Variants in ERG observed in about 807,000 individuals in gnomAD.
The protein encoded by ERG is ETS transcription factor ERG.
Under a neutral mutation model 55.3 loss-of-function variants are expected in ERG, and 9 were observed. The observed-to-expected ratio is 0.16, with a 90% CI of 0.10 to 0.28. The LOEUF (loss-of-function observed/expected upper bound fraction) is 0.28. Among genes scored for constraint, ERG ranks in the 10% least tolerant of loss-of-function variants. ERG has a pLI of 1.00. For missense variants in ERG, 434 were observed against 631.6 expected (o/e 0.69, Z 3.35); for synonymous variants, 223 against 237.3 (o/e 0.94, Z 0.55).
At chr21:38,603,168 C>T (rs1002521874) in intron 1 of ERG, among the ~76,000 whole-genome samples, 1 of 151,920 alleles carries the variant, frequency 6.6e-6, no homozygotes, top group African/African-American at 2.4e-5. Flanking sequence ...GTCTTTAGAC[C>T]CCTAAAGACA....
In ERG at chr21:38,391,675, G is replaced by A. The variant is rs752843908; in HGVS notation, c.855C>T (p.Asp285=). Residue 285 remains aspartate, a synonymous_variant, in exon 8 of 10, where the codon GAC becomes GAT. Coordinates refer to ENST00000288319, the MANE Select transcript of ERG (RefSeq NM_182918.4). ...PSPSTVPKTE[D]QRPQLDPYQI... is the part of the protein sequence containing the mutation. ...GAAACATACCTAACTGAGGACGCTG[G>A]TCTTCAGTTTTGGGCACTGTGGAAG... 3.2e-5 allele frequency: 52 copies of A among 1,613,652 alleles called. No homozygotes were observed. The South Asian group carries it at 5.5e-4, about 17-fold the overall frequency.
intron 1 of ERG, among the ~76,000 whole-genome samples, chr21:38,458,456 TAGTGGCC>T (rs2059010949): frequency 6.7e-6 from 1 of 149,082 alleles, no homozygotes. Context: ...ATGCACCAAG[TAGTGGCC>T]AGTCAGGCTC....
At chr21:38,472,552 G>A (rs1281224148) in intron 1 of ERG, among the ~76,000 whole-genome samples, 1 of 152,172 alleles carries the variant, frequency 6.6e-6, no homozygotes, top group African/African-American at 2.4e-5. Context: ...CACGTCCTAA[G>A]AGTGGTGAGG....
At chr21:38,478,768 T>G (rs1448311719) in intron 1 of ERG, among the ~76,000 whole-genome samples, 2 of 152,194 alleles carry the variant, frequency 1.3e-5, no homozygotes, top group Non-Finnish European at 2.9e-5. Context: ...ATAATATTAG[T>G]ATAGGATGCC....
upstream of ERG, among the ~76,000 whole-genome samples, chr21:38,500,987 A>G (rs1057425975): frequency 2.0e-5 from 3 of 151,860 alleles, no homozygotes; most frequent in African/African-American, 7.3e-5. Context: ...ATAGCATCCA[A>G]GCCTGGTAAT....
chr21:38,530,633 T>C (rs1226887530), intron 2 of ERG, among the ~76,000 whole-genome samples: 3 of 152,200 alleles, frequency 2.0e-5, no homozygotes, highest in Non-Finnish European at 4.4e-5. Context: ...CCTCTCAATC[T>C]ACCATCTACA....
intron 6 of ERG, among the ~76,000 whole-genome samples, chr21:38,397,829 C>G (rs1435995644): frequency 2.0e-5 from 3 of 152,030 alleles, no homozygotes; most frequent in Non-Finnish European, 4.4e-5. Flanking sequence ...ACCACTGTCT[C>G]CTCTATCAGG....
intron 3 of ERG, among the ~76,000 whole-genome samples, chr21:38,412,044 C>T (rs937594953): frequency 3.9e-5 from 6 of 152,054 alleles, no homozygotes; most frequent in African/African-American, 7.2e-5. Flanking sequence ...TTTTCACTAG[C>T]GTATCTTATT....
intron 2 of ERG, among the ~76,000 whole-genome samples, chr21:38,542,136 C>G (rs1042464907): frequency 5.9e-5 from 9 of 152,010 alleles, no homozygotes; most frequent in African/African-American, 1.9e-4. Flanking sequence ...TTGGCCGTGC[C>G]ACCATGCCCA....
At chr21:38,542,068 T>C (rs552061208) in intron 2 of ERG, among the ~76,000 whole-genome samples, 6 of 152,304 alleles carry the variant, frequency 3.9e-5, no homozygotes, top group African/African-American at 1.4e-4. Context: ...TGGAGTGCAG[T>C]GGCGTGTTCT....
chr21:38,466,820 T>C (rs1310587811), intron 1 of ERG, among the ~76,000 whole-genome samples: 2 of 152,058 alleles, frequency 1.3e-5, no homozygotes, highest in East Asian at 3.9e-4. Flanking sequence ...TCATGTGAGG[T>C]CATATACAAA....
chr21:38,444,537 G>A (rs1270980253), intron 2 of ERG, among the ~76,000 whole-genome samples: 2 of 152,064 alleles, frequency 1.3e-5, no homozygotes, highest in African/African-American at 2.4e-5. Context: ...TATATATGGG[G>A]TATTAGATCA....
At chr21:38,547,063 T>C (rs183648118) in intron 2 of ERG, among the ~76,000 whole-genome samples, 196 of 152,294 alleles carry the variant, frequency 1.3e-3, no homozygotes, top group African/African-American at 4.3e-3. Context: ...AGTGGGAATA[T>C]GAGCCAGGGT....
At chr21:38,650,263 T>A (rs1698633629) in intron 1 of ERG, among the ~76,000 whole-genome samples, 2 of 152,342 alleles carry the variant, frequency 1.3e-5, no homozygotes, top group East Asian at 3.9e-4. Context: ...AAATTTCTTA[T>A]TCAGGAAAAT....
intron 1 of ERG, chr21:38,473,907 A>G (rs1478349763): frequency 1.3e-5 from 2 of 152,014 alleles, no homozygotes; most frequent in African/African-American, 4.8e-5. Flanking sequence ...AGTGTTGTAT[A>G]TGTGTGTATG....
intron 1 of ERG, among the ~76,000 whole-genome samples, chr21:38,610,781 C>G (rs2060222210): frequency 6.6e-6 from 1 of 152,244 alleles, no homozygotes; most frequent in Non-Finnish European, 1.5e-5. Flanking sequence ...AATGCAACAC[C>G]AACCCACGCT....
intron 1 of ERG, among the ~76,000 whole-genome samples, chr21:38,599,676 G>T (rs532138671): frequency 1.3e-5 from 2 of 152,254 alleles, no homozygotes; most frequent in East Asian, 3.9e-4. Context: ...GAAACAGGAC[G>T]AACAATAGGC....
chr21:38,488,135 G>C (rs2059303774), intron 1 of ERG, among the ~76,000 whole-genome samples: 1 of 152,058 alleles, frequency 6.6e-6, no homozygotes, highest in Admixed American at 6.6e-5. Context: ...GACTTCCTGG[G>C]GTGAGAGAAG....
chr21:38,512,936 C>T (rs1274722232), intron 2 of ERG, among the ~76,000 whole-genome samples: 4 of 151,880 alleles, frequency 2.6e-5, no homozygotes, highest in Non-Finnish European at 5.9e-5. Context: ...ATTGAGACCA[C>T]CCTGGGCAAC....
Sources: gnomAD v4.1 joint callset for allele counts (sites outside exome capture counted in the v4.1 genomes callset) on GRCh38, gnomAD v4.1.1 for gene constraint, MANE v1.5 for transcripts, NCBI Gene and HGNC (gene_info 2026-07-23, HGNC 2026-07-21) for gene names.